ARB2A: variants seen among roughly 807,000 people sequenced by gnomAD.
ARB2A encodes the protein ARB2 cotranscriptional regulator A, also known as cotranscriptional regulator ARB2A.
the ARB2A span, among the ~76,000 whole-genome samples, chr5:94,030,867 A>G: frequency 6.6e-6 from 1 of 152,122 alleles, no homozygotes; most frequent in Non-Finnish European, 1.5e-5. Flanking sequence ...TGCCTCTCAT[A>G]TTTTGCCCTT....
the ARB2A span, among the ~76,000 whole-genome samples, chr5:93,764,475 T>C: frequency 6.6e-6 from 1 of 152,134 alleles, no homozygotes; most frequent in Non-Finnish European, 1.5e-5. Context: ...CTTTGACACA[T>C]ACACCCTCCC....
the ARB2A span, among the ~76,000 whole-genome samples, chr5:93,697,966 G>GA: frequency 2.0e-5 from 3 of 151,966 alleles, no homozygotes; most frequent in Non-Finnish European, 4.4e-5. Flanking sequence ...TACATAACTT[G>GA]AAAAATATAG....
the ARB2A span, among the ~76,000 whole-genome samples, chr5:93,621,520 G>A: frequency 6.6e-6 from 1 of 152,248 alleles, no homozygotes; most frequent in Non-Finnish European, 1.5e-5. Context: ...GCCTCTCCGG[G>A]CCAATGGAAG....
At chr5:94,034,951 C>T in the ARB2A span, among the ~76,000 whole-genome samples, 1 of 152,170 alleles carries the variant, frequency 6.6e-6, no homozygotes, top group Non-Finnish European at 1.5e-5. Context: ...AGGTTGCACA[C>T]TCCTTATGAG....
the ARB2A span, among the ~76,000 whole-genome samples, chr5:93,836,865 A>T: frequency 2.6e-5 from 4 of 152,356 alleles, no homozygotes. Context: ...CACAAGATTC[A>T]ACTTTAAACA....
At chr5:93,816,833 C>G in the ARB2A span, among the ~76,000 whole-genome samples, 1 of 152,056 alleles carries the variant, frequency 6.6e-6, no homozygotes, top group Admixed American at 6.6e-5. Context: ...AAAACAATCA[C>G]AACTAATATC....
the ARB2A span, among the ~76,000 whole-genome samples, chr5:93,769,086 G>T: frequency 6.6e-6 from 1 of 152,082 alleles, no homozygotes; most frequent in Admixed American, 6.5e-5. Flanking sequence ...TTCATAAAAT[G>T]AAATTATTAT....
the ARB2A span, chr5:93,740,999 T>C: frequency 6.2e-7 from 1 of 1,613,786 alleles, no homozygotes; most frequent in Non-Finnish European, 8.5e-7. Context: ...TCCACTTCCT[T>C]CAGCCACTTT....
chr5:93,718,669 T>C, the ARB2A span, among the ~76,000 whole-genome samples: 2 of 152,330 alleles, frequency 1.3e-5, no homozygotes, highest in East Asian at 1.9e-4. Context: ...TTATCACTTC[T>C]GAAAAATGTC....
the ARB2A span, among the ~76,000 whole-genome samples, chr5:93,642,342 G>A: frequency 1.3e-5 from 2 of 151,462 alleles, no homozygotes; most frequent in Non-Finnish European, 2.9e-5. Flanking sequence ...CAAGTAGCTG[G>A]GACTACAGGA....
At chr5:94,049,800 A>G in the ARB2A span, among the ~76,000 whole-genome samples, 16,111 of 152,242 alleles carry the variant, frequency 0.11, 970 homozygotes, top group Middle Eastern at 0.16. Context: ...CAGCCTGAGT[A>G]ACAGAGCGAG....
chr5:94,078,742 T>C, the ARB2A span, among the ~76,000 whole-genome samples: 1 of 151,990 alleles, frequency 6.6e-6, no homozygotes, highest in African/African-American at 2.4e-5. Flanking sequence ...AGCAACATGA[T>C]ATAGTAGGTT....
At chr5:93,958,993 T>C in the ARB2A span, 1 of 1,460,618 alleles carries the variant, frequency 6.8e-7, no homozygotes, top group African/African-American at 1.4e-5. Context: ...AATTAAATAA[T>C]AAATAAATGT....
chr5:93,977,232 C>A, the ARB2A span, among the ~76,000 whole-genome samples: 2 of 151,638 alleles, frequency 1.3e-5, no homozygotes, highest in Admixed American at 1.3e-4. Flanking sequence ...TCATTTTTCA[C>A]AGAATTAGAA....
the ARB2A span, among the ~76,000 whole-genome samples, chr5:93,781,394 T>A: frequency 6.6e-6 from 1 of 152,312 alleles, no homozygotes; most frequent in African/African-American, 2.4e-5. Context: ...TCTATATACA[T>A]ATATTTAGAT....
chr5:93,621,074 G>A, the ARB2A span: 16 of 1,611,976 alleles, frequency 9.9e-6, no homozygotes, highest in Admixed American at 8.4e-5. Context: ...CTTCGGTAAA[G>A]AATTTGAAAA....
the ARB2A span, among the ~76,000 whole-genome samples, chr5:93,845,188 C>G: frequency 6.6e-6 from 1 of 152,196 alleles, no homozygotes; most frequent in African/African-American, 2.4e-5. Context: ...TATCTATTAG[C>G]TTATCTTCAA....
the ARB2A span, among the ~76,000 whole-genome samples, chr5:94,074,006 G>T: frequency 6.6e-6 from 1 of 152,016 alleles, no homozygotes; most frequent in East Asian, 1.9e-4. Context: ...TCTCTCCCTT[G>T]TTCCTGATTC....
the ARB2A span, among the ~76,000 whole-genome samples, chr5:93,702,453 C>T: frequency 1.3e-5 from 2 of 152,158 alleles, no homozygotes; most frequent in Admixed American, 1.3e-4. Context: ...CTTTATATGT[C>T]GATTTGTCTA....
Sources: gnomAD v4.1 joint callset for allele counts (sites outside exome capture counted in the v4.1 genomes callset) on GRCh38, gnomAD v4.1.1 for gene constraint, MANE v1.5 for transcripts, NCBI Gene and HGNC (gene_info 2026-07-23, HGNC 2026-07-21) for gene names.